Variants in TATDN1 observed in about 807,000 individuals in gnomAD.
TATDN1 encodes the protein TatD DNase domain containing 1.
Under a neutral mutation model 46.4 loss-of-function variants are expected in TATDN1, and 40 were observed. That is an observed-to-expected ratio of 0.86 (90% CI 0.67 to 1.12). The LOEUF (loss-of-function observed/expected upper bound fraction) is 1.12. TATDN1 is among the 50% of genes most tolerant of loss of function. The pLI, the probability that TATDN1 is intolerant of heterozygous loss-of-function variation, is 0.00. For missense variants in TATDN1, 326 were observed against 348.4 expected (o/e 0.94, Z 0.51); for synonymous variants, 95 against 105.6 (o/e 0.90, Z 0.62).
chr8:124,522,952 C>T lies in TATDN1; in HGVS notation c.73G>A (p.Val25Ile), dbSNP rs745683892. The change falls in exon 2 of 12, where the codon GTT (valine) becomes ATT (isoleucine). Residue 25 changes from valine (V) to isoleucine (I), a missense_variant. Physicochemically the swap from Val to Ile is conservative, Grantham distance 29. Coordinates refer to ENST00000276692, the MANE Select transcript of TATDN1 (RefSeq NM_032026.4). ...DPMFRGIYRGVQKHQDDLQDV... is the reference protein window; with the variant it reads ...DPMFRGIYRGIQKHQDDLQDV... ...AAATATTTACCTTGATGCTTTTGAA[C>T]CCCCCTATAAATTCCTCTGAACATA... The T allele has an allele frequency of 6.2e-7, 1 of 1,612,554 alleles. No homozygotes were observed. Among genetic ancestry groups the T allele is most frequent in the East Asian group, 2.2e-5 (1 of 44,852 alleles).
At position 124,488,569 on chromosome 8, in the gene TATDN1, A is replaced by G. The variant is rs1816604447; in HGVS notation, c.*25T>C. Reference sequence around the variant, plus strand: ...TTTACTATGAAATTTTACATACATGATGGAAAGTGGAAGACATATACCAAT... The same window carrying G: ...TTTACTATGAAATTTTACATACATGGTGGAAAGTGGAAGACATATACCAAT... On this transcript the variant is annotated 3_prime_UTR_variant, in exon 12 of 12. Transcript: ENST00000276692. 8.4e-7 allele frequency: 1 copy of G among 1,196,100 alleles called. No homozygotes were observed. 74.1% of individuals were successfully genotyped at this position (1,196,100 alleles called of 1,614,324 possible).
intron 9 of TATDN1, among the ~76,000 whole-genome samples, chr8:124,497,067 T>A (rs1333935355): frequency 1.3e-5 from 2 of 152,210 alleles, no homozygotes; most frequent in Admixed American, 6.5e-5. Context: ...TAAGTTTGAT[T>A]AAATTAGGAC....
intron 1 of TATDN1, among the ~76,000 whole-genome samples, chr8:124,533,581 A>C (rs1821160212): frequency 1.3e-5 from 2 of 152,306 alleles, no homozygotes; most frequent in Non-Finnish European, 2.9e-5. Context: ...AGTTGGCTGA[A>C]GTCAGCAGAG....
chr8:124,528,227 A>G lies in TATDN1; in HGVS notation c.23-5225T>C, dbSNP rs1034021194. Among the ~76,000 whole-genome samples, 11 of 151,806 alleles carry G rather than the reference A, an allele frequency of 7.2e-5. No homozygotes were observed. In the East Asian group the frequency reaches 1.2e-3, roughly 16 times the overall value. On this transcript the variant is annotated intron_variant, in intron 1 of 11. Coordinates refer to ENST00000276692, the MANE Select transcript of TATDN1 (RefSeq NM_032026.4). Reference sequence around the variant, plus strand: ...CTCGCTCTGTCACCCAGGCTGGAGTACAGTGGTGCCATCTCGGCTCACTGC... The same window carrying G: ...CTCGCTCTGTCACCCAGGCTGGAGTGCAGTGGTGCCATCTCGGCTCACTGC...
At chr8:124,506,896 C>T (rs1586600723) in intron 8 of TATDN1, among the ~76,000 whole-genome samples, 2 of 152,124 alleles carry the variant, frequency 1.3e-5, no homozygotes, top group Admixed American at 6.5e-5. Flanking sequence ...GGCAAGGTGG[C>T]TCATGCCTGT....
chr8:124,510,010 G>A (rs1401455505), intron 6 of TATDN1, among the ~76,000 whole-genome samples: 7 of 142,808 alleles, frequency 4.9e-5, no homozygotes, highest in Non-Finnish European at 1.1e-4. Context: ...CAGCCTGGGT[G>A]AGAGAGCAAC....
intron 8 of TATDN1, among the ~76,000 whole-genome samples, chr8:124,507,517 C>T (rs1818577906): frequency 6.6e-6 from 1 of 152,160 alleles, no homozygotes; most frequent in South Asian, 2.1e-4. Flanking sequence ...CACAGTGGCT[C>T]ACACCTGTAA....
chr8:124,538,801 G>A (rs1318721681), intron 1 of TATDN1: 13 of 604,414 alleles, frequency 2.2e-5, no homozygotes, highest in Non-Finnish European at 5.9e-6. Context: ...ATAACTGTAC[G>A]GCTTGTTAAT....
intron 8 of TATDN1, among the ~76,000 whole-genome samples, chr8:124,506,670 G>A (rs547574736): frequency 6.6e-6 from 1 of 152,320 alleles, no homozygotes; most frequent in South Asian, 2.1e-4. Context: ...ACGTCAGGCC[G>A]CATGGGAATG....
intron 1 of TATDN1, among the ~76,000 whole-genome samples, chr8:124,536,246 T>C (rs559689731): frequency 1.3e-5 from 2 of 151,906 alleles, no homozygotes; most frequent in East Asian, 3.9e-4. Context: ...GAAAAGAGAG[T>C]ATAAGCTGGG....
chr8:124,502,440 G>A (rs1316781592), intron 9 of TATDN1, among the ~76,000 whole-genome samples: 1 of 152,128 alleles, frequency 6.6e-6, no homozygotes, highest in Non-Finnish European at 1.5e-5. Context: ...TTCAAAATGG[G>A]AAGATGTATT....
At chr8:124,520,318 T>A (rs1033794811) in intron 3 of TATDN1, among the ~76,000 whole-genome samples, 4 of 151,602 alleles carry the variant, frequency 2.6e-5, no homozygotes, top group African/African-American at 9.7e-5. Flanking sequence ...GCCCCTGTAG[T>A]CCCAGCTACT....
intron 11 of TATDN1, chr8:124,490,040 A>G (rs900843448): frequency 6.6e-6 from 1 of 152,248 alleles, no homozygotes; most frequent in Non-Finnish European, 1.5e-5. Flanking sequence ...AAATCTATTA[A>G]CATTTAAATT....
At chr8:124,510,222 C>T (rs1818890983) in intron 6 of TATDN1, among the ~76,000 whole-genome samples, 1 of 152,076 alleles carries the variant, frequency 6.6e-6, no homozygotes, top group African/African-American at 2.4e-5. Context: ...ATATTAACGA[C>T]AACTTGGACA....
intron 8 of TATDN1, among the ~76,000 whole-genome samples, chr8:124,506,779 C>A (rs1818473652): frequency 6.6e-6 from 1 of 152,214 alleles, no homozygotes; most frequent in South Asian, 2.1e-4. Flanking sequence ...CAGTCACTCA[C>A]TGAGTCACTC....
intron 2 of TATDN1, 119 bp downstream of exon 2, chr8:124,522,818 G>T: frequency 1.2e-6 from 1 of 852,676 alleles, no homozygotes; most frequent in East Asian, 2.4e-5. Context: ...GACTCCCAAA[G>T]TGCTGAGATT....
intron 3 of TATDN1, among the ~76,000 whole-genome samples, chr8:124,520,162 C>T (rs140926022): frequency 1.3e-5 from 2 of 152,292 alleles, no homozygotes; most frequent in Non-Finnish European, 2.9e-5. Context: ...TAAGGCAGGG[C>T]GCAGTGGCTC....
intron 2 of TATDN1, among the ~76,000 whole-genome samples, chr8:124,522,711 G>A (rs1030105584): frequency 6.6e-6 from 1 of 152,038 alleles, no homozygotes; most frequent in Admixed American, 6.6e-5. Context: ...GAGCCACTGC[G>A]CCCAGCCAGG....
intron 1 of TATDN1, chr8:124,526,948 A>C (rs745733464): frequency 1.2e-4 from 18 of 152,364 alleles, no homozygotes; most frequent in Middle Eastern, 3.4e-3. Flanking sequence ...TGACACTACT[A>C]TTTAGCAAAC....
Sources: gnomAD v4.1 joint callset for allele counts (sites outside exome capture counted in the v4.1 genomes callset) on GRCh38, gnomAD v4.1.1 for gene constraint, MANE v1.5 for transcripts, NCBI Gene and HGNC (gene_info 2026-07-23, HGNC 2026-07-21) for gene names.